Variants in ZNF704 observed in about 807,000 individuals in gnomAD.
ZNF704 encodes glucocorticoid induced gene 1.
Under a neutral mutation model 44.7 loss-of-function variants are expected in ZNF704, and 10 were observed. The ratio of observed to expected loss-of-function variants is 0.22; its 90% CI spans 0.14 to 0.38. The LOEUF is 0.38. ZNF704 is among the 10% of genes least tolerant of loss of function. ZNF704 has a pLI of 1.00. For missense variants in ZNF704, 390 were observed against 545.5 expected, an observed-to-expected ratio of 0.71 and a Z score of 2.84; for synonymous variants, 211 against 207.6, an observed-to-expected ratio of 1.02 and a Z score of -0.14.
intron 4 of ZNF704, among the ~76,000 whole-genome samples, chr8:80,677,046 T>C (rs1818380106): frequency 6.6e-6 from 1 of 152,224 alleles, no homozygotes; most frequent in Admixed American, 6.5e-5. Context: ...ATATTTCTGA[T>C]ATTCATGATG....
rs1244596086 is a variant in ZNF704, at chr8:80,664,910, T to A, written c.832A>T (p.Thr278Ser). The A allele has an allele frequency of 6.2e-7, 1 of 1,613,658 alleles. No individual in the cohort carries two copies. Residue 278 changes from threonine to serine, a missense_variant, in exon 6 of 9, where the codon ACT becomes TCT. Around this residue, in one of 3 missense-constraint regions of ZNF704, gnomAD observed 305 missense variants for 435.7 expected, o/e 0.70. Transcript: ENST00000327835. ...FPIPDSSRTE[T>S]PCAKTETKLM... ...TTAGTCTCCGTTTTGGCACAAGGAG[T>A]TTCTGTTCGGCTTGAATCTGGGATG... is the stretch of plus-strand genomic sequence containing the variant.
intron 1 of ZNF704, among the ~76,000 whole-genome samples, chr8:80,840,109 T>C (rs1808651380): frequency 6.6e-6 from 1 of 152,146 alleles, no homozygotes; most frequent in African/African-American, 2.4e-5. Flanking sequence ...TAAGTAAAGA[T>C]AATATGGCAA....
intron 2 of ZNF704, among the ~76,000 whole-genome samples, chr8:80,705,534 G>A (rs1274395624): frequency 1.3e-5 from 2 of 151,782 alleles, no homozygotes; most frequent in African/African-American, 4.8e-5. Flanking sequence ...TTGTATCTAT[G>A]TGGGTTGGTG....
chr8:80,744,997 G>C (rs577575211), intron 2 of ZNF704, among the ~76,000 whole-genome samples: 21 of 152,254 alleles, frequency 1.4e-4, no homozygotes, highest in African/African-American at 5.1e-4. Flanking sequence ...TAAAAAATCT[G>C]TGGTCAATAA....
chr8:80,875,292 A>T (rs919522020), upstream of ZNF704, among the ~76,000 whole-genome samples: 1 of 151,686 alleles, frequency 6.6e-6, no homozygotes, highest in Non-Finnish European at 1.5e-5. Flanking sequence ...ATTTATTTTA[A>T]TTTTTATTTA....
At chr8:80,820,382 A>C (rs1808248705) in intron 2 of ZNF704, among the ~76,000 whole-genome samples, 1 of 151,896 alleles carries the variant, frequency 6.6e-6, no homozygotes, top group Non-Finnish European at 1.5e-5. Flanking sequence ...ATAAAATTAT[A>C]ATGTGACAAA....
chr8:80,821,633 G>A lies in ZNF704; in HGVS notation c.-21-18C>T, dbSNP rs781334610. On this transcript the variant is annotated intron_variant, in intron 1 of 8. Transcript: ENST00000327835. Reference sequence around the variant, plus strand: ...CTCCCCACCTGTGAAATGAAACACAGAAATTCTTACTCACATAAAACATCA... The same window carrying A: ...CTCCCCACCTGTGAAATGAAACACAAAAATTCTTACTCACATAAAACATCA... 2.5e-6 allele frequency: 4 copies of A among 1,594,506 alleles called. No homozygotes were observed. The highest frequency in any genetic ancestry group is 1.3e-5 in the African/African-American group (1 of 74,400).
chr8:80,753,576 G>T (rs969570981), intron 2 of ZNF704, among the ~76,000 whole-genome samples: 5 of 152,134 alleles, frequency 3.3e-5, no homozygotes, highest in Admixed American at 3.3e-4. Flanking sequence ...TTCTTCAAAA[G>T]CAGTGAACAC....
intron 7 of ZNF704, among the ~76,000 whole-genome samples, chr8:80,652,461 C>T (rs945739103): frequency 5.7e-4 from 87 of 151,706 alleles, no homozygotes; most frequent in Admixed American, 4.3e-3. Flanking sequence ...ATCAAATAGA[C>T]GCAACAAAAA....
upstream of ZNF704, among the ~76,000 whole-genome samples, chr8:80,877,187 A>AAAGAG (rs1809366861): frequency 5.0e-5 from 3 of 59,422 alleles, no homozygotes; most frequent in Admixed American, 2.3e-4. Flanking sequence ...CTGAATGGGA[A>AAAGAG]AAAAAAAAAA....
chr8:80,769,846 G>A (rs1807289805), intron 2 of ZNF704, among the ~76,000 whole-genome samples: 1 of 152,056 alleles, frequency 6.6e-6, no homozygotes, highest in Non-Finnish European at 1.5e-5. Flanking sequence ...CCACTCTACT[G>A]GTACCAATTT....
rs932023396 is a variant in ZNF704, at chr8:80,639,356, G to A, written c.*2010C>T. On this transcript the variant is annotated 3_prime_UTR_variant, in exon 9 of 9. Coordinates refer to ENST00000327835, the MANE Select transcript of ZNF704 (RefSeq NM_001033723.3). ...TCGCATCAGTGGTGCTGCATGGGGG[G>A]TGACAGGACACCAGGAGGAGAAAGG... The A allele has an allele frequency of 6.6e-6, 1 of 152,232 alleles. No homozygotes were observed. The highest frequency in any genetic ancestry group is 1.5e-5 in the Non-Finnish European group (1 of 68,048). 9.4% of individuals were successfully genotyped at this position (152,232 alleles called of 1,614,324 possible).
At chr8:80,838,671 T>TGGA (rs143628593) in intron 1 of ZNF704, among the ~76,000 whole-genome samples, 27,140 of 124,518 alleles carry the variant, frequency 0.22, 4,048 homozygotes, top group African/African-American at 0.45. Context: ...AAGCAGAACC[T>TGGA]GGAGGAGGAG....
chr8:80,806,753 A>G (rs1185859712), intron 2 of ZNF704, among the ~76,000 whole-genome samples: 1 of 152,224 alleles, frequency 6.6e-6, no homozygotes, highest in Non-Finnish European at 1.5e-5. Flanking sequence ...TTGCAAATGC[A>G]GGGAATTCTG....
At chr8:80,799,275 ATATTT>A (rs1481968516) in intron 2 of ZNF704, among the ~76,000 whole-genome samples, 1 of 152,226 alleles carries the variant, frequency 6.6e-6, no homozygotes, top group Non-Finnish European at 1.5e-5. Flanking sequence ...TAATTATGCA[ATATTT>A]ATTTTGCAAT....
chr8:80,731,198 T>A (rs1806576429), intron 2 of ZNF704, among the ~76,000 whole-genome samples: 1 of 152,176 alleles, frequency 6.6e-6, no homozygotes. Flanking sequence ...AATTTAGGGA[T>A]CTTGATTGGT....
chr8:80,666,325 T>C (rs1296073563), intron 5 of ZNF704, among the ~76,000 whole-genome samples: 4 of 151,694 alleles, frequency 2.6e-5, no homozygotes, highest in Admixed American at 2.6e-4. Flanking sequence ...TAGTATTCCA[T>C]GGTGTATATG....
chr8:80,728,631 C>A (rs1464430689), intron 2 of ZNF704, among the ~76,000 whole-genome samples: 1 of 152,070 alleles, frequency 6.6e-6, no homozygotes, highest in Non-Finnish European at 1.5e-5. Context: ...GTGACAAAAA[C>A]CAAAGAAGTG....
intron 7 of ZNF704, among the ~76,000 whole-genome samples, chr8:80,651,709 A>T (rs1257032409): frequency 1.3e-5 from 2 of 152,160 alleles, no homozygotes; most frequent in East Asian, 3.9e-4. Context: ...CTCCCACACA[A>T]TAATAATGGG....
Sources: gnomAD v4.1 joint callset for allele counts (sites outside exome capture counted in the v4.1 genomes callset) on GRCh38, gnomAD v4.1.1 for gene constraint, gnomAD v4.1.1 regional missense constraint, MANE v1.5 for transcripts, NCBI Gene and HGNC (gene_info 2026-07-23, HGNC 2026-07-21) for gene names.